The following PCDHGA10 variants were observed in gnomAD, a reference collection of about 807,000 sequenced individuals.
PCDHGA10 encodes the protein protocadherin gamma-A10.
In PCDHGA10, 42 loss-of-function variants were observed where a neutral mutation model predicts 59.5. The ratio of observed to expected loss-of-function variants is 0.71; its 90% CI spans 0.55 to 0.91. The LOEUF (loss-of-function observed/expected upper bound fraction) is 0.91, where lower values mean the gene tolerates loss of function less well. PCDHGA10 is among the 40% of genes least tolerant of loss of function. The pLI is 0.00. For missense variants in PCDHGA10, 1,111 were observed against 1,198.2 expected, an observed-to-expected ratio of 0.93 and a Z score of 1.07; for synonymous variants, 511 against 517.2, an observed-to-expected ratio of 0.99 and a Z score of 0.16.
chr5:141,421,348 G>C lies in PCDHGA10; in HGVS notation c.2436+5737G>C, dbSNP rs202220769. On this transcript the variant is annotated intron_variant, in intron 1 of 3. Coordinates refer to ENST00000398610, the MANE Select transcript of PCDHGA10 (RefSeq NM_018913.3). ...CCGATATTCGGTGCCAGAAGAGACC[G>C]AAAAGGGCTCCTTCGTGGGCAATAT... 9.1e-5 allele frequency: 147 copies of C among 1,613,862 alleles called. No individual in the cohort carries two copies. Among genetic ancestry groups the C allele is most frequent in the Non-Finnish European group, 1.1e-4 (125 of 1,179,904 alleles).
chr5:141,434,820 G>A (rs953824837), intron 1 of PCDHGA10, among the ~76,000 whole-genome samples: 1 of 151,302 alleles, frequency 6.6e-6, no homozygotes, highest in Admixed American at 6.6e-5. Flanking sequence ...ATATCCCTTA[G>A]TACACTTGGC....
chr5:141,494,153 G>T (rs2099752286), intron 1 of PCDHGA10, among the ~76,000 whole-genome samples: 1 of 152,186 alleles, frequency 6.6e-6, no homozygotes, highest in Non-Finnish European at 1.5e-5. Flanking sequence ...CCATTGTCTG[G>T]CACGGAGTTC....
chr5:141,509,046 C>T (rs1442220429), intron 3 of PCDHGA10, among the ~76,000 whole-genome samples: 1 of 152,160 alleles, frequency 6.6e-6, no homozygotes, highest in Non-Finnish European at 1.5e-5. Flanking sequence ...CTCTCCCCCG[C>T]CCCCAGAAAG....
chr5:141,469,112 A>T (rs1207790108), intron 1 of PCDHGA10, among the ~76,000 whole-genome samples: 1 of 151,698 alleles, frequency 6.6e-6, no homozygotes, highest in African/African-American at 2.4e-5. Flanking sequence ...ACCTGTCTCT[A>T]AAAAAATTTA....
chr5:141,426,589 T>G (rs2096945227), intron 1 of PCDHGA10: 1 of 369,180 alleles, frequency 2.7e-6, no homozygotes, highest in South Asian at 2.0e-5. Context: ...ATCCTCTGTG[T>G]CATACCCTTA....
At position 141,476,418 on chromosome 5, in the gene PCDHGA10, T is replaced by G. The variant is rs201255025; in HGVS notation, c.2437-18389T>G. ...GATCGAGAGGAGCTGTGTGGGACAC[T>G]GCCCTCTTGCACTGTAACTCTGGAG... On this transcript the variant is annotated intron_variant, in intron 1 of 3. Transcript: ENST00000398610. This position sits in a 1 kb window ranked among gnomAD's most constrained non-coding sequence, Gnocchi z 7.6. 8 of 1,614,122 alleles carry G rather than the reference T, an allele frequency of 5.0e-6. No homozygotes were observed. The highest frequency in any genetic ancestry group is 1.6e-4 in the Middle Eastern group (1 of 6,062).
intron 1 of PCDHGA10, among the ~76,000 whole-genome samples, chr5:141,425,338 G>A (rs561085111): frequency 6.6e-6 from 1 of 152,290 alleles, no homozygotes; most frequent in African/African-American, 2.4e-5. Flanking sequence ...AAAAGGAAGG[G>A]TTGGCTTTGA....
intron 1 of PCDHGA10, chr5:141,422,936 C>T: frequency 6.2e-7 from 1 of 1,614,260 alleles, no homozygotes; most frequent in Non-Finnish European, 8.5e-7. Flanking sequence ...GCCCTCCCCA[C>T]AGACGGCTCC....
In PCDHGA10 at chr5:141,430,181, T is replaced by A. The variant is rs561671481; in HGVS notation, c.2436+14570T>A. ...TCTATTTAAAAATATTTTCCCCAAA[T>A]TATAGCTGAATCAGAAAGTTTAAAT... On this transcript the variant is annotated intron_variant, in intron 1 of 3. Transcript: ENST00000398610. 2.0e-5 allele frequency among the ~76,000 whole-genome samples: 3 copies of A among 152,252 alleles called. No homozygotes were observed. The South Asian group carries it at 6.2e-4, about 32-fold the overall frequency.
rs58019021 is a variant in PCDHGA10, at chr5:141,500,184, T to TTTTATTTATTTA, written c.2496-5178_2496-5167dup. Among the ~76,000 whole-genome samples, 232 of 135,962 alleles carry TTTTATTTATTTA rather than the reference T, an allele frequency of 1.7e-3. 1 individual carries two copies. The highest frequency in any genetic ancestry group is 6.4e-3 in the South Asian group (27 of 4,202). The allele number at this position is 135,962 out of a possible 152,430, so 89.2% of individuals were successfully genotyped here. A position where few individuals can be genotyped will look rare whatever the true frequency, so the allele number is the denominator to read the frequency against. The stretch of plus-strand genomic sequence containing the variant: ...GAACATGCATGAGCTTCATTTTTAT[T>TTTTATTTATTTA]TTTATTTATTTATTTATTTATTTAT... On this transcript the variant is annotated intron_variant, in intron 2 of 3. Transcript: ENST00000398610.
At chr5:141,422,781 A>C (rs746943605) in intron 1 of PCDHGA10, 13 of 1,613,964 alleles carry the variant, frequency 8.1e-6, no homozygotes, top group African/African-American at 1.3e-5. Flanking sequence ...TCTATGCCCT[A>C]CAATCCTTCG....
In PCDHGA10 at chr5:141,423,270, T is replaced by G. The variant is rs1304998648; in HGVS notation, c.2436+7659T>G. 3 of 1,613,686 alleles carry G rather than the reference T, an allele frequency of 1.9e-6. No homozygotes were observed. The African/African-American group carries it at 4.0e-5, about 22-fold the overall frequency. ...TGGCGGACCTCGGCAGCCTCGAGTC[T>G]CTGGCTAACTCTGAAACCTCAGACC... is the stretch of plus-strand genomic sequence containing the variant. On this transcript the variant is annotated intron_variant, in intron 1 of 3. Transcript: ENST00000398610.
In PCDHGA10 at chr5:141,502,866, C is replaced by CTTTTTTTTTTTT. The variant is rs549047197; in HGVS notation, c.2496-2524_2496-2513dup. 2.4e-4 allele frequency among the ~76,000 whole-genome samples: 31 copies of CTTTTTTTTTTTT among 128,008 alleles called. 3 individuals are homozygous for CTTTTTTTTTTTT. Among genetic ancestry groups the CTTTTTTTTTTTT allele is most frequent in the African/African-American group, 3.4e-4 (11 of 32,350 alleles). 84.0% of individuals were successfully genotyped at this position (128,008 alleles called of 152,430 possible). ...GAGCTGCCTAACCCTGACTCTCTGT[C>CTTTTTTTTTTTT]TTTTTTTTTTTTTTGACAGGGAGTC... is the stretch of plus-strand genomic sequence containing the variant. On this transcript the variant is annotated intron_variant, in intron 2 of 3. Transcript: ENST00000398610.
rs556217163 is a variant in PCDHGA10, at chr5:141,433,697, C to T, written c.2436+18086C>T. Among the ~76,000 whole-genome samples the T allele has an allele frequency of 6.0e-4, 91 of 152,138 alleles. 1 individual carries two copies. Among genetic ancestry groups the T allele is most frequent in the African/African-American group, 2.0e-3 (85 of 41,536 alleles). ...CTAAAAAAATACAAAATTAGCCGGGCGTGGTGGTGCATGTCTGTAATCCCA... is the reference window on the plus strand; with the variant it reads ...CTAAAAAAATACAAAATTAGCCGGGTGTGGTGGTGCATGTCTGTAATCCCA... On this transcript the variant is annotated intron_variant, in intron 1 of 3. Coordinates refer to ENST00000398610, the MANE Select transcript of PCDHGA10 (RefSeq NM_018913.3).
intron 1 of PCDHGA10, chr5:141,441,144 T>C (rs141609485): frequency 6.6e-6 from 1 of 152,296 alleles, no homozygotes; most frequent in African/African-American, 2.4e-5. Context: ...TAGAAGATAA[T>C]GACAATATCC....
rs1271891195 is a variant in PCDHGA10, at chr5:141,477,108, C to A, written c.2437-17699C>A. The A allele has an allele frequency of 2.5e-6, 4 of 1,614,232 alleles. No individual in the cohort carries two copies. Among genetic ancestry groups the A allele is most frequent in the Non-Finnish European group, 2.5e-6 (3 of 1,180,046 alleles). ...CAGGCCAAAGACAAGGGCGCCAATCCCGAAGGAGCACATTGCAAAGTGTTG... is the reference window on the plus strand; with the variant it reads ...CAGGCCAAAGACAAGGGCGCCAATCACGAAGGAGCACATTGCAAAGTGTTG... On this transcript the variant is annotated intron_variant, in intron 1 of 3. Coordinates refer to ENST00000398610, the MANE Select transcript of PCDHGA10 (RefSeq NM_018913.3). The surrounding 1 kb of genome is among the most constrained non-coding windows in gnomAD (Gnocchi z 4.9).
chr5:141,417,862 G>C, intron 1 of PCDHGA10: 1 of 1,550,466 alleles, frequency 6.4e-7, no homozygotes, highest in Non-Finnish European at 8.7e-7. Flanking sequence ...AGCGAACGAT[G>C]GGAGGGAGCT....
chr5:141,471,879 G>A (rs1027572395), intron 1 of PCDHGA10, among the ~76,000 whole-genome samples: 7 of 152,218 alleles, frequency 4.6e-5, no homozygotes, highest in African/African-American at 1.7e-4. Context: ...GCCTGAGGCT[G>A]AAGCTAGGAA....
chr5:141,472,324 G>A (rs1027842697), intron 1 of PCDHGA10, among the ~76,000 whole-genome samples: 2 of 150,650 alleles, frequency 1.3e-5, no homozygotes, highest in African/African-American at 2.4e-5. Flanking sequence ...GGCAGATCAC[G>A]AGGTTGGGAG....
Sources: gnomAD v4.1 joint callset for allele counts (sites outside exome capture counted in the v4.1 genomes callset) on GRCh38, gnomAD v4.1.1 for gene constraint, Gnocchi (gnomAD v3.1) non-coding constraint, MANE v1.5 for transcripts, NCBI Gene and HGNC (gene_info 2026-07-23, HGNC 2026-07-21) for gene names.